Variants in ADAMTS17 observed in about 807,000 individuals in gnomAD.
The protein encoded by ADAMTS17 is ADAM metallopeptidase with thrombospondin type 1 motif 17, also known as A disintegrin and metalloproteinase with thrombospondin motifs 17.
In ADAMTS17, 113 loss-of-function variants were observed where a neutral mutation model predicts 141.5. The ratio of observed to expected loss-of-function variants is 0.80; its 90% confidence interval spans 0.69 to 0.93. The LOEUF is 0.93. Ranked by LOEUF, ADAMTS17 falls within the 40% of genes least tolerant of loss-of-function variation. ADAMTS17 has a pLI of 0.00. For missense variants in ADAMTS17, 1,659 were observed against 1,517.9 expected, an observed-to-expected ratio of 1.09 and a Z score of -1.54; for synonymous variants, 768 against 630.6, an observed-to-expected ratio of 1.22 and a Z score of -3.27.
chr15:100,236,132 G>C (rs1365201602), intron 7 of ADAMTS17, among the ~76,000 whole-genome samples: 1 of 152,124 alleles, frequency 6.6e-6, no homozygotes, highest in Non-Finnish European at 1.5e-5. Context: ...CAGACTCAGA[G>C]CAAGAGAACA....
intron 14 of ADAMTS17, among the ~76,000 whole-genome samples, chr15:100,108,351 T>C (rs987600678): frequency 6.6e-6 from 1 of 152,142 alleles, no homozygotes; most frequent in Non-Finnish European, 1.5e-5. Flanking sequence ...TATGTTTGTA[T>C]TTTTAGTAGA....
At chr15:100,171,558 C>T (rs2040161979) in intron 8 of ADAMTS17, among the ~76,000 whole-genome samples, 1 of 152,216 alleles carries the variant, frequency 6.6e-6, no homozygotes, top group Non-Finnish European at 1.5e-5. Context: ...CATCTGGATG[C>T]CACTGTCCTC....
At chr15:100,021,410 C>G (rs924802440) in intron 18 of ADAMTS17, among the ~76,000 whole-genome samples, 2 of 152,204 alleles carry the variant, frequency 1.3e-5, no homozygotes, top group Non-Finnish European at 2.9e-5. Context: ...AATCTGCCTT[C>G]CCCTCCCCAT....
At chr15:99,991,904 C>G (rs1056801077) in intron 20 of ADAMTS17, among the ~76,000 whole-genome samples, 4 of 152,076 alleles carry the variant, frequency 2.6e-5, no homozygotes, top group African/African-American at 9.7e-5. Context: ...CCATCATTCT[C>G]AGCAAACTAA....
intron 8 of ADAMTS17, among the ~76,000 whole-genome samples, chr15:100,179,405 C>T (rs2040447407): frequency 6.6e-6 from 1 of 152,148 alleles, no homozygotes; most frequent in South Asian, 2.1e-4. Context: ...TCTTTCTACT[C>T]CATTGTGGTA....
At chr15:100,139,070 C>G (rs1218626474) in intron 10 of ADAMTS17, among the ~76,000 whole-genome samples, 1 of 151,932 alleles carries the variant, frequency 6.6e-6, no homozygotes, top group Non-Finnish European at 1.5e-5. Flanking sequence ...ATTTCAAAGA[C>G]TGGGCATTAA....
rs71151930 is a variant in ADAMTS17 at position 100,001,976 on chromosome 15, C to CA, written c.2592-4388dup. 3.0e-4 allele frequency among the ~76,000 whole-genome samples: 10 copies of CA among 33,592 alleles called. 2 individuals are homozygous for CA. Among genetic ancestry groups the CA allele is most frequent in the East Asian group, 9.9e-4 (1 of 1,012 alleles). The allele number at this position is 33,592 out of a possible 152,430, so 22.0% of individuals were successfully genotyped here. On this transcript the variant is annotated intron_variant, in intron 18 of 21. Transcript: ENST00000268070. ...TTGGGGACAGAGCGAGACTCAGTCT[C>CA]AAAAAAAAGGCCAAACCCAAAAAAA...
At chr15:100,205,666 C>T (rs2041515697) in intron 7 of ADAMTS17, among the ~76,000 whole-genome samples, 1 of 152,182 alleles carries the variant, frequency 6.6e-6, no homozygotes, top group African/African-American at 2.4e-5. Context: ...TCAGAGGAGC[C>T]TTGAAAATCT....
intron 15 of ADAMTS17, among the ~76,000 whole-genome samples, chr15:100,075,025 C>G (rs1002039971): frequency 2.0e-5 from 3 of 151,192 alleles, no homozygotes; most frequent in Admixed American, 2.0e-4. Flanking sequence ...CCAATAAATT[C>G]TAGTTGTTAT....
At chr15:100,078,858 T>G (rs964594392) in intron 15 of ADAMTS17, among the ~76,000 whole-genome samples, 3 of 152,120 alleles carry the variant, frequency 2.0e-5, no homozygotes, top group African/African-American at 7.2e-5. Context: ...AAAGAAAGCT[T>G]GCAGCTCGAC....
In ADAMTS17 at chr15:100,341,926, G is replaced by T; in HGVS notation, c.-27C>A. On this transcript the variant is annotated 5_prime_UTR_variant, in exon 1 of 22. Transcript: ENST00000268070. The stretch of plus-strand genomic sequence containing the variant: ...GTACCCGGGACCGGCAGCCCCCCCG[G>T]ACCGTGGCGGCGAAGCAGGAGCGCG... The T allele has an allele frequency of 6.5e-7, 1 of 1,548,354 alleles. No individual in the cohort carries two copies. Among genetic ancestry groups the T allele is most frequent in the African/African-American group, 1.4e-5 (1 of 73,088 alleles).
intron 7 of ADAMTS17, among the ~76,000 whole-genome samples, chr15:100,235,861 G>T (rs1246784287): frequency 6.6e-6 from 1 of 152,150 alleles, no homozygotes. Flanking sequence ...ATGGAAACAT[G>T]AGGACAAGTA....
At chr15:100,218,942 T>C (rs1028495307) in intron 7 of ADAMTS17, among the ~76,000 whole-genome samples, 1 of 152,184 alleles carries the variant, frequency 6.6e-6, no homozygotes, top group African/African-American at 2.4e-5. Context: ...TACACATGCA[T>C]ATGTACCTCT....
intron 8 of ADAMTS17, among the ~76,000 whole-genome samples, chr15:100,194,713 A>G (rs1385318975): frequency 6.6e-6 from 1 of 152,102 alleles, no homozygotes; most frequent in Non-Finnish European, 1.5e-5. Flanking sequence ...CCAAATTGTG[A>G]TCGGCATGTT....
At chr15:100,233,650 A>C (rs2042561396) in intron 7 of ADAMTS17, among the ~76,000 whole-genome samples, 1 of 152,192 alleles carries the variant, frequency 6.6e-6, no homozygotes, top group Admixed American at 6.5e-5. Context: ...ACAGAGAAAC[A>C]CGCAATGTCC....
chr15:100,212,515 A>G (rs2041840975), intron 7 of ADAMTS17, among the ~76,000 whole-genome samples: 1 of 152,170 alleles, frequency 6.6e-6, no homozygotes, highest in African/African-American at 2.4e-5. Context: ...GCTTTCATCT[A>G]ATTTCCAAAG....
At chr15:100,233,216 G>A (rs1193750800) in intron 7 of ADAMTS17, among the ~76,000 whole-genome samples, 3 of 152,074 alleles carry the variant, frequency 2.0e-5, no homozygotes, top group Non-Finnish European at 4.4e-5. Context: ...TGTAACCCCA[G>A]GTACTCAGGA....
chr15:100,116,873 C>A lies in ADAMTS17; in HGVS notation c.1862G>T (p.Gly621Val). The change falls in exon 13 of 22, where the codon GGC becomes GTC. Residue 621 changes from glycine (G) to valine (V), a missense_variant. By Grantham distance (109) the Gly-to-Val change is moderately radical. Coordinates refer to ENST00000268070, the MANE Select transcript of ADAMTS17 (RefSeq NM_139057.4). The stretch of plus-strand genomic sequence containing the variant: ...GTCAACCACCACGGCTGTCAGCAGG[C>A]CTTTCTTCTTGGGGCTCAGCCGGTC... The part of the protein sequence containing the change: ...AHDRLSPKKK[G>V]LLTAVVVDDK... 6 of 1,614,186 alleles carry A rather than the reference C, an allele frequency of 3.7e-6. No individual in the cohort carries two copies. The highest frequency in any genetic ancestry group is 5.1e-6 in the Non-Finnish European group (6 of 1,180,036).
chr15:100,261,557 G>T lies in ADAMTS17; in HGVS notation c.953C>A (p.Ala318Glu), dbSNP rs777383202. 22 of 1,614,000 alleles carry T rather than the reference G, an allele frequency of 1.4e-5. No homozygotes were observed. Among genetic ancestry groups the T allele is most frequent in the Non-Finnish European group, 1.9e-5 (22 of 1,180,030 alleles). Reference protein sequence around the residue: ...CHWQNEEYGGARYLGNNQVPG... With the variant: ...CHWQNEEYGGERYLGNNQVPG... ...AACCTGGTTATTGCCGAGGTATCGC[G>T]CTCCTCCATACTCCTCGTTCTGCCA... The change falls in exon 6 of 22, where the codon GCG becomes GAG. Residue 318 changes from alanine (A) to glutamate (E), a missense_variant. Coordinates refer to ENST00000268070, the MANE Select transcript of ADAMTS17 (RefSeq NM_139057.4).
Sources: allele counts gnomAD v4.1 joint callset (sites outside exome capture counted in the v4.1 genomes callset), GRCh38; gene constraint gnomAD v4.1.1; transcripts MANE v1.5; gene names NCBI Gene and HGNC (gene_info 2026-07-23, HGNC 2026-07-21).